CCDC66: variants seen among roughly 807,000 people sequenced by gnomAD.
The protein encoded by CCDC66 is coiled-coil domain containing 66.
CCDC66 carries 133 observed loss-of-function variants against 128.3 expected under a neutral mutation model. The ratio of observed to expected loss-of-function variants is 1.04; its 90% CI spans 0.90 to 1.20. The LOEUF is 1.20. Among genes scored for constraint, CCDC66 ranks in the 50% most tolerant of loss-of-function variants. CCDC66 has a pLI of 0.00. For missense variants in CCDC66, 1,126 were observed against 1,075.5 expected, an observed-to-expected ratio of 1.05 and a Z score of -0.66; for synonymous variants, 387 against 357.0, an observed-to-expected ratio of 1.08 and a Z score of -0.95.
chr3:56,577,136 C>A (rs2067511294), intron 7 of CCDC66, among the ~76,000 whole-genome samples: 1 of 151,802 alleles, frequency 6.6e-6, no homozygotes, highest in African/African-American at 2.4e-5. Context: ...GATGGTATCT[C>A]ATTGTGGTTT....
At chr3:56,574,592 C>T (rs923751404) in intron 7 of CCDC66, among the ~76,000 whole-genome samples, 2 of 151,764 alleles carry the variant, frequency 1.3e-5, no homozygotes, top group African/African-American at 4.8e-5. Context: ...TGGTTGTAGG[C>T]AGTCACCAAA....
chr3:56,583,715 C>G (rs1482434907), intron 7 of CCDC66, among the ~76,000 whole-genome samples: 2 of 151,896 alleles, frequency 1.3e-5, no homozygotes, highest in African/African-American at 4.8e-5. Context: ...ACAGACACAG[C>G]AACAATCTGA....
intron 10 of CCDC66, among the ~76,000 whole-genome samples, 175 bp from the exon 11 acceptor site, chr3:56,613,414 A>G (rs1167499323): frequency 6.6e-6 from 1 of 152,130 alleles, no homozygotes; most frequent in Non-Finnish European, 1.5e-5. Flanking sequence ...GCTTCCTGTC[A>G]TGTTGAATTC....
chr3:56,606,282 A>G (rs983830489), intron 10 of CCDC66, among the ~76,000 whole-genome samples: 6 of 152,020 alleles, frequency 3.9e-5, no homozygotes, highest in Admixed American at 2.0e-4. Flanking sequence ...CAGGAGAGTG[A>G]ACAGTTCTGT....
At chr3:56,599,919 A>C (rs1352497655) in intron 10 of CCDC66, among the ~76,000 whole-genome samples, 1 of 152,084 alleles carries the variant, frequency 6.6e-6, no homozygotes, top group East Asian at 1.9e-4. Flanking sequence ...CTTATGAGTG[A>C]GAACGTGCAG....
chr3:56,575,824 T>A (rs2067283503), intron 7 of CCDC66, among the ~76,000 whole-genome samples: 1 of 151,370 alleles, frequency 6.6e-6, no homozygotes, highest in Non-Finnish European at 1.5e-5. Flanking sequence ...AGCACCATTG[T>A]TGAAGAATGT....
At chr3:56,559,546 G>T in intron 2 of CCDC66, 23 bp from the exon 3 acceptor site, 1 of 1,496,622 alleles carries the variant, frequency 6.7e-7, no homozygotes, top group Non-Finnish European at 9.0e-7. Flanking sequence ...GGATAGTTTA[G>T]TAATTTCTTT....
In CCDC66 at chr3:56,618,221, G is replaced by C; in HGVS notation, c.2378+9G>C. The C allele has an allele frequency of 6.2e-7, 1 of 1,611,110 alleles. No homozygotes were observed. The highest frequency in any genetic ancestry group is 8.5e-7 in the Non-Finnish European group (1 of 1,177,450). ...TCATTCAGCAAGGAAAGGTAAGTATGCATCAGATTAATTCCGCAGCTACTT... is the reference window on the plus strand; with the variant it reads ...TCATTCAGCAAGGAAAGGTAAGTATCCATCAGATTAATTCCGCAGCTACTT... On this transcript the variant is annotated intron_variant, in intron 15 of 17. Coordinates refer to ENST00000394672, the MANE Select transcript of CCDC66 (RefSeq NM_001141947.3).
At position 56,580,929 on chromosome 3, in the gene CCDC66, G is replaced by C. The variant is rs569607973; in HGVS notation, c.936+9627G>C. Among the ~76,000 whole-genome samples the C allele has an allele frequency of 5.3e-4, 80 of 151,860 alleles. 1 individual carries two copies. The highest frequency in any genetic ancestry group is 1.7e-3 in the African/African-American group (72 of 41,494). ...GAGGAGTATCTTTGTGGTGTTCTCT[G>C]TATTTCCTGAATTTGAATGTTGGCC... On this transcript the variant is annotated intron_variant, in intron 7 of 17. Transcript: ENST00000394672.
At chr3:56,560,876 T>G (rs1053561717) in intron 3 of CCDC66, 13 of 456,576 alleles carry the variant, frequency 2.8e-5, no homozygotes, top group African/African-American at 2.6e-4. Flanking sequence ...TTAAAGTCTT[T>G]GCTTGTCTGT....
At position 56,619,357 on chromosome 3, in the gene CCDC66, A is replaced by AC; in HGVS notation, c.2465_2466insC (p.Glu823Ter). ...CATTTACCACTAAAAAACAGTAGCTATGAGAGAGAGAATTTGATCTCAGGA... is the reference window on the plus strand; with the variant it reads ...CATTTACCACTAAAAAACAGTAGCTACTGAGAGAGAGAATTTGATCTCAGGA... On this transcript the variant is annotated frameshift_variant, in exon 16 of 18. Coordinates refer to ENST00000394672, the MANE Select transcript of CCDC66 (RefSeq NM_001141947.3). LOFTEE classifies it high-confidence loss of function. 1 of 1,613,950 alleles carries AC rather than the reference A, an allele frequency of 6.2e-7. No homozygotes were observed. The highest frequency in any genetic ancestry group is 1.1e-5 in the South Asian group (1 of 91,066).
chr3:56,560,868 A>T (rs747362660), intron 3 of CCDC66: 2 of 456,590 alleles, frequency 4.4e-6, no homozygotes, highest in South Asian at 3.1e-5. Flanking sequence ...GCAGTGTCTT[A>T]AAGTCTTTGC....
intron 7 of CCDC66, among the ~76,000 whole-genome samples, chr3:56,576,770 G>T (rs548121007): frequency 4.9e-4 from 75 of 151,726 alleles, no homozygotes; most frequent in African/African-American, 1.7e-3. Flanking sequence ...ATTGCATGGT[G>T]TATATGTGCA....
chr3:56,621,463 T>C, intron 17 of CCDC66, 69 bp from the exon 18 acceptor site: 1 of 1,033,630 alleles, frequency 9.7e-7, no homozygotes, highest in South Asian at 1.7e-5. Flanking sequence ...AATATAATTC[T>C]AGTTTAACAC....
chr3:56,609,083 G>C (rs2074453049), intron 10 of CCDC66, among the ~76,000 whole-genome samples: 1 of 152,176 alleles, frequency 6.6e-6, no homozygotes, highest in Admixed American at 6.5e-5. Flanking sequence ...GTATTCTGTG[G>C]TTGTTAGACT....
chr3:56,597,773 TGG>T (rs1309719796), intron 10 of CCDC66, among the ~76,000 whole-genome samples: 13 of 86,784 alleles, frequency 1.5e-4, no homozygotes, highest in Admixed American at 4.5e-4. Context: ...GGTTTTGTTT[TGG>T]GGTTTTTTTT....
intron 7 of CCDC66, 128 bp downstream of exon 7, chr3:56,571,430 G>A (rs563812251): frequency 2.6e-5 from 15 of 577,438 alleles, no homozygotes; most frequent in African/African-American, 4.1e-5. Context: ...TGCCCAGGCT[G>A]GAATGCAGTG....
chr3:56,571,415 CTT>C (rs2066596341), intron 7 of CCDC66, 113 bp downstream of exon 7: 5 of 687,568 alleles, frequency 7.3e-6, no homozygotes, highest in Admixed American at 3.6e-5. Context: ...GAGTTTCTCT[CTT>C]GTTGCCCAGG....
At chr3:56,584,551 G>A (rs529105620) in intron 7 of CCDC66, among the ~76,000 whole-genome samples, 9 of 150,998 alleles carry the variant, frequency 6.0e-5, no homozygotes, top group South Asian at 2.1e-4. Flanking sequence ...GGGCAGAGAC[G>A]CTCCTCACTT....
Sources: gnomAD v4.1 joint callset for allele counts (sites outside exome capture counted in the v4.1 genomes callset) on GRCh38, gnomAD v4.1.1 for gene constraint, MANE v1.5 for transcripts, NCBI Gene and HGNC (gene_info 2026-07-23, HGNC 2026-07-21) for gene names.